The following SYNM variants were observed in gnomAD, a reference collection of about 807,000 sequenced individuals.
SYNM encodes desmuslin.
A neutral mutation model predicts 104.0 loss-of-function variants in SYNM; 95 were observed. The observed-to-expected ratio is 0.91, with a 90% confidence interval of 0.77 to 1.08. SYNM has a LOEUF of 1.08. SYNM is among the 50% of genes least tolerant of loss of function. SYNM has a pLI of 0.00. For synonymous variants in SYNM, 918 were observed against 869.0 expected (o/e 1.06, Z -0.99); for missense variants, 2,150 against 2,052.2 (o/e 1.05, Z -0.92).
chr15:99,130,726 G>T lies in SYNM; in HGVS notation c.2366G>T (p.Gly789Val). 1.2e-6 allele frequency: 2 copies of T among 1,611,118 alleles called. No individual in the cohort carries two copies. Among genetic ancestry groups the T allele is most frequent in the African/African-American group, 1.3e-5 (1 of 74,870 alleles). Residue 789 changes from glycine (G) to valine (V), a missense_variant, in exon 4 of 4, where the codon GGT (glycine) becomes GTT (valine). Gly to Val is a moderately radical substitution (Grantham distance 109). Transcript: ENST00000336292. ...TGGGGGTTGGTTAAGGAGGAGGAAG[G>T]TTATGGAGAAAGCGATGTCACATTC... Reference protein sequence around the residue: ...GPWGLVKEEEGYGESDVTFSV... With the variant: ...GPWGLVKEEEVYGESDVTFSV...
chr15:99,108,578 C>T (rs1194626664), intron 1 of SYNM, among the ~76,000 whole-genome samples: 3 of 152,082 alleles, frequency 2.0e-5, no homozygotes, highest in African/African-American at 4.8e-5. Flanking sequence ...TTACTAAGAG[C>T]CTTTAGCAAG....
In SYNM at chr15:99,130,507, G is replaced by A; in HGVS notation, c.2147G>A (p.Gly716Glu). The A allele has an allele frequency of 6.2e-7, 1 of 1,613,902 alleles. No individual in the cohort carries two copies. Among genetic ancestry groups the A allele is most frequent in the Non-Finnish European group, 8.5e-7 (1 of 1,179,876 alleles). The change falls in exon 4 of 4, where the codon GGG becomes GAG. Residue 716 changes from glycine (G) to glutamate (E), a missense_variant. Transcript: ENST00000336292. ...YLLSKDIKEVGLKGKSAEQMI... is the reference protein window; with the variant it reads ...YLLSKDIKEVELKGKSAEQMI... Reference sequence around the variant, plus strand: ...TTAAGCAAGGATATTAAGGAAGTGGGGCTGAAAGGCAAGTCAGCCGAGCAG... The same window carrying A: ...TTAAGCAAGGATATTAAGGAAGTGGAGCTGAAAGGCAAGTCAGCCGAGCAG...
downstream of SYNM, among the ~76,000 whole-genome samples, chr15:99,138,470 C>T (rs1218280861): frequency 5.3e-5 from 8 of 152,122 alleles, no homozygotes; most frequent in Non-Finnish European, 8.8e-5. Context: ...CATGCCACCA[C>T]GCCCAGCTAA....
chr15:99,126,863 G>A, intron 3 of SYNM, 71 bp downstream of exon 3: 1 of 1,383,512 alleles, frequency 7.2e-7, no homozygotes, highest in Non-Finnish European at 9.8e-7. Flanking sequence ...AGATAGTAAA[G>A]CACCATCATC....
rs1407420719 is a variant in SYNM at position 99,133,657 on chromosome 15, A to G, written c.*599A>G. The G allele has an allele frequency of 6.4e-6, 1 of 157,228 alleles. No individual in the cohort carries two copies. The highest frequency in any genetic ancestry group is 2.4e-5 in the African/African-American group (1 of 41,480). The allele number at this position is 157,228 out of a possible 1,614,324, so 9.7% of individuals were successfully genotyped here. ...TTAAGACTTGAATGAATTGCTTTCT[A>G]TGTACAGAACTTTAAACAATATAGT... On this transcript the variant is annotated 3_prime_UTR_variant, in exon 4 of 4. Coordinates refer to ENST00000336292, the MANE Select transcript of SYNM (RefSeq NM_145728.3).
At position 99,131,322 on chromosome 15, in the gene SYNM, A is replaced by AATG. The variant is rs1272150030; in HGVS notation, c.2963_2964insTGA (p.Lys988delinsAsnGlu). On this transcript the variant is annotated protein_altering_variant, in exon 4 of 4. Coordinates refer to ENST00000336292, the MANE Select transcript of SYNM (RefSeq NM_145728.3). This position sits in a 1 kb window ranked among gnomAD's most constrained non-coding sequence, Gnocchi z 4.3. ...GGGGAGCGTTTCCGTGGATGTCAAGAAGGTCCAGGGTGCTGGTGGCAGTTC... is the reference window on the plus strand; with the variant it reads ...GGGGAGCGTTTCCGTGGATGTCAAGAATGAGGTCCAGGGTGCTGGTGGCAGTTC... 6.2e-7 allele frequency: 1 copy of AATG among 1,613,112 alleles called. No homozygotes were observed. The highest frequency in any genetic ancestry group is 8.5e-7 in the Non-Finnish European group (1 of 1,179,710).
rs1360235116 is a variant in SYNM, at chr15:99,105,520, C to T, written c.321C>T (p.Gly107=). The T allele has an allele frequency of 5.0e-5, 63 of 1,258,764 alleles. No individual in the cohort carries two copies. Among genetic ancestry groups the T allele is most frequent in the Non-Finnish European group, 6.3e-5 (63 of 1,004,942 alleles). 78.0% of individuals were successfully genotyped at this position (1,258,764 alleles called of 1,614,324 possible). Reference sequence around the variant, plus strand: ...ATGCGGAGGAGCGCGCCGCCCGCGGCCGCCTGGACGCCGAGCTGGGTGCGC... The same window carrying T: ...ATGCGGAGGAGCGCGCCGCCCGCGGTCGCCTGGACGCCGAGCTGGGTGCGC... ...RLDAEERAAR[G]RLDAELGAQQ... is the part of the protein sequence containing the mutation. The change falls in exon 1 of 4, where the codon GGC becomes GGT. Residue 107 remains glycine (G), a synonymous_variant. Coordinates refer to ENST00000336292, the MANE Select transcript of SYNM (RefSeq NM_145728.3).
chr15:99,118,270 T>C (rs540661523), intron 2 of SYNM, among the ~76,000 whole-genome samples: 1 of 152,342 alleles, frequency 6.6e-6, no homozygotes, highest in East Asian at 1.9e-4. Context: ...TCGATGTGAG[T>C]CTTGCTCAGT....
chr15:99,139,295 AGT>A, downstream of SYNM: 1 of 1,608,420 alleles, frequency 6.2e-7, no homozygotes, highest in Non-Finnish European at 8.5e-7. Flanking sequence ...AGATAGAGAA[AGT>A]GTGAGGGACG....
At chr15:99,111,167 C>T (rs925508362) in intron 1 of SYNM, among the ~76,000 whole-genome samples, 6 of 152,186 alleles carry the variant, frequency 3.9e-5, no homozygotes, top group Non-Finnish European at 8.8e-5. Flanking sequence ...CTGCACACCC[C>T]TTCCACGTGA....
intron 2 of SYNM, among the ~76,000 whole-genome samples, 159 bp from the exon 3 acceptor site, chr15:99,126,563 C>G (rs2151807441): frequency 6.6e-6 from 1 of 152,370 alleles, no homozygotes; most frequent in Non-Finnish European, 1.5e-5. Context: ...GTGGGCTTGC[C>G]AGCCCTATGG....
intron 1 of SYNM, among the ~76,000 whole-genome samples, chr15:99,108,659 C>G (rs533419498): frequency 6.6e-6 from 1 of 152,164 alleles, no homozygotes; most frequent in Non-Finnish European, 1.5e-5. Context: ...ACCAGTGTTA[C>G]GAAGTGGGTA....
chr15:99,129,022 T>A (rs1227311846), intron 3 of SYNM: 11 of 217,560 alleles, frequency 5.1e-5, no homozygotes, highest in Non-Finnish European at 9.2e-5. Context: ...TTTCAAAATA[T>A]AAGATTGTGA....
chr15:99,138,915 G>A (rs1436186286), downstream of SYNM, among the ~76,000 whole-genome samples: 15 of 152,248 alleles, frequency 9.9e-5, no homozygotes, highest in African/African-American at 3.6e-4. Flanking sequence ...GGCTGAGAAA[G>A]GACGTAGGGG....
At chr15:99,116,912 TG>T in intron 2 of SYNM, among the ~76,000 whole-genome samples, 1 of 143,678 alleles carries the variant, frequency 7.0e-6, no homozygotes. Flanking sequence ...CCTGACCTTG[TG>T]ATCCACCCGC....
chr15:99,139,676 G>T, downstream of SYNM: 3 of 1,404,938 alleles, frequency 2.1e-6, no homozygotes, highest in Non-Finnish European at 2.8e-6. Flanking sequence ...AAAAATAAAG[G>T]CAAGAACCTT....
intron 2 of SYNM, among the ~76,000 whole-genome samples, chr15:99,126,356 AG>A (rs1457943578): frequency 6.6e-6 from 1 of 152,222 alleles, no homozygotes; most frequent in Non-Finnish European, 1.5e-5. Context: ...ACATCTCTCC[AG>A]TGCCCCCTTG....
chr15:99,115,611 G>A (rs2067341517), intron 2 of SYNM, among the ~76,000 whole-genome samples: 2 of 151,664 alleles, frequency 1.3e-5, no homozygotes, highest in South Asian at 4.2e-4. Context: ...ACAGGCCCCT[G>A]CCACCATTCC....
downstream of SYNM, chr15:99,138,073 G>T: frequency 6.2e-7 from 1 of 1,613,868 alleles, no homozygotes; most frequent in Non-Finnish European, 8.5e-7. Context: ...TGCTGGTGCA[G>T]AAGGCCACTT....
Sources: allele counts gnomAD v4.1 joint callset (sites outside exome capture counted in the v4.1 genomes callset), GRCh38; gene constraint gnomAD v4.1.1; non-coding constraint Gnocchi (gnomAD v3.1); transcripts MANE v1.5; gene names NCBI Gene and HGNC (gene_info 2026-07-23, HGNC 2026-07-21).